The following PHLDB1 variants were observed in gnomAD, a reference collection of about 807,000 sequenced individuals.
PHLDB1 encodes pleckstrin homology like domain family B member 1.
PHLDB1 carries 65 observed loss-of-function variants against 139.3 expected under a neutral mutation model. The observed-to-expected ratio is 0.47, with a 90% CI of 0.38 to 0.57. The LOEUF (loss-of-function observed/expected upper bound fraction) is 0.57, where lower values mean the gene tolerates loss of function less well. PHLDB1 is among the 20% of genes least tolerant of loss of function. The probability of loss-of-function intolerance (pLI) is 0.00; values close to 1 mark genes in which losing one functional copy is unlikely to be tolerated. For synonymous variants in PHLDB1, 679 were observed against 734.5 expected, an observed-to-expected ratio of 0.92 and a Z score of 1.22; for missense variants, 1,624 against 1,839.7, an observed-to-expected ratio of 0.88 and a Z score of 2.14.
chr11:118,613,558 G>C, intron 1 of PHLDB1: 1 of 760,924 alleles, frequency 1.3e-6, no homozygotes, highest in Non-Finnish European at 1.8e-6. Flanking sequence ...GTATAGATTG[G>C]GCCCTATGGG....
chr11:118,618,134 C>T (rs1278478262), intron 4 of PHLDB1, among the ~76,000 whole-genome samples: 1 of 152,156 alleles, frequency 6.6e-6, no homozygotes, highest in African/African-American at 2.4e-5. Flanking sequence ...GACTCTTCTC[C>T]AGCCAGAGGC....
chr11:118,635,639 T>G, intron 10 of PHLDB1, 91 bp downstream of exon 10: 1 of 1,163,218 alleles, frequency 8.6e-7, no homozygotes, highest in Non-Finnish European at 1.2e-6. Context: ...AACTTCGTCT[T>G]TTGTGCCTGG....
Position 118,623,915 on chromosome 11 carries a change from T to TGAGA in PHLDB1, c.356-1018_356-1017insAGAG, listed in dbSNP as rs1478669182. Among the ~76,000 whole-genome samples the TGAGA allele has an allele frequency of 3.1e-5, 4 of 130,184 alleles. No individual in the cohort carries two copies. The East Asian group carries it at 7.6e-4, about 25-fold the overall frequency. 85.4% of individuals were successfully genotyped at this position (130,184 alleles called of 152,430 possible). On this transcript the variant is annotated intron_variant, in intron 4 of 22. Coordinates refer to ENST00000600882, the MANE Select transcript of PHLDB1 (RefSeq NM_001144758.3). ...GTGTGTGTGTGTGTGTGTGTGTGTG[T>TGAGA]GTGAGACGGAGTTTCGCTCTGTTGC...
intron 6 of PHLDB1, chr11:118,630,140 T>C: frequency 9.6e-7 from 1 of 1,037,452 alleles, no homozygotes; most frequent in African/African-American, 1.6e-5. Context: ...TTTGGGTTCA[T>C]GGCCAAACTG....
intron 20 of PHLDB1, chr11:118,652,074 C>T (rs782746478): frequency 2.0e-5 from 3 of 152,288 alleles, no homozygotes; most frequent in African/African-American, 4.8e-5. Flanking sequence ...CTCACCTAGC[C>T]ACACAGCTGG....
rs1944140856 is a variant in PHLDB1, at chr11:118,627,864, T to G, written c.1041T>G (p.Thr347=). The G allele has an allele frequency of 1.9e-6, 3 of 1,608,854 alleles. No individual in the cohort carries two copies. Among genetic ancestry groups the G allele is most frequent in the Non-Finnish European group, 2.5e-6 (3 of 1,179,908 alleles). ...TCTTGGCGGAGGCCCGGAGAGCCACTGAGAGCCCCCGGCTGGGTGGGCAGC... is the reference window on the plus strand; with the variant it reads ...TCTTGGCGGAGGCCCGGAGAGCCACGGAGAGCCCCCGGCTGGGTGGGCAGC... ...ATVLAEARRA[T]ESPRLGGQLP... The change falls in exon 6 of 23, where the codon ACT becomes ACG. Residue 347 remains threonine, a synonymous_variant. Transcript: ENST00000600882.
rs533490122 is a variant in PHLDB1 at position 118,649,647 on chromosome 11, G to A, written c.3655-430G>A. Among the ~76,000 whole-genome samples, 49 of 152,244 alleles carry A rather than the reference G, an allele frequency of 3.2e-4. No individual in the cohort carries two copies. The East Asian group carries it at 4.4e-3, about 14-fold the overall frequency. On this transcript the variant is annotated intron_variant, in intron 18 of 22. Transcript: ENST00000600882. ...AGTAATTATCTAGTTCAAAGCCGGC[G>A]TTTTACATGGAAGGAAACTGAGGCC...
At chr11:118,621,441 C>A (rs1942766795) in intron 4 of PHLDB1, 1 of 152,188 alleles carries the variant, frequency 6.6e-6, no homozygotes, top group Admixed American at 6.5e-5. Context: ...GCCGGCAGCT[C>A]GGGAGGTCGG....
At chr11:118,622,406 C>T (rs1943005206) in intron 4 of PHLDB1, among the ~76,000 whole-genome samples, 1 of 152,226 alleles carries the variant, frequency 6.6e-6, no homozygotes, top group Admixed American at 6.5e-5. Context: ...GTCCTGCTGC[C>T]CTCCTGCCCG....
chr11:118,649,485 G>A (rs1555133710), intron 18 of PHLDB1, among the ~76,000 whole-genome samples: 1 of 152,104 alleles, frequency 6.6e-6, no homozygotes, highest in Non-Finnish European at 1.5e-5. Flanking sequence ...TATCTGTGGG[G>A]TCGTGTGTTT....
At chr11:118,635,045 G>A in intron 9 of PHLDB1, 2 of 498,218 alleles carry the variant, frequency 4.0e-6, no homozygotes, top group South Asian at 3.2e-5. Context: ...AGGAGCAGCT[G>A]AGAAGGGTCA....
chr11:118,629,861 C>A (rs1434467753), intron 6 of PHLDB1: 6 of 404,250 alleles, frequency 1.5e-5, no homozygotes, highest in Non-Finnish European at 2.2e-5. Context: ...CCCATTCCCA[C>A]ACATAAGCAC....
At position 118,645,375 on chromosome 11, in the gene PHLDB1, G is replaced by T. The variant is rs1555126197; in HGVS notation, c.3141G>T (p.Glu1047Asp). ...CTTCAGGACAACAAGTGATTGAAGA[G>T]CAGCGGCGGCGACTGGCTGAGCTGA... ...LQQKGQQVIE[E>D]QRRRLAELKQ... is the part of the protein sequence containing the mutation. Residue 1047 changes from glutamate to aspartate, a missense_variant, in exon 16 of 23, where the codon GAG becomes GAT. Physicochemically the swap from Glu to Asp is conservative, Grantham distance 45. Transcript: ENST00000600882. The surrounding 1 kb of genome is among the most constrained non-coding windows in gnomAD (Gnocchi z 5.1). 6.6e-7 allele frequency: 1 copy of T among 1,519,938 alleles called. No individual in the cohort carries two copies. The highest frequency in any genetic ancestry group is 2.3e-5 in the East Asian group (1 of 43,856). 94.2% of individuals were successfully genotyped at this position (1,519,938 alleles called of 1,614,324 possible).
chr11:118,614,915 G>A, intron 3 of PHLDB1: 1 of 476,264 alleles, frequency 2.1e-6, no homozygotes, highest in East Asian at 3.9e-5. Context: ...AAGGAGGAGA[G>A]GCCAGGTGTG....
At chr11:118,614,798 T>C in intron 3 of PHLDB1, 116 bp downstream of exon 3, 1 of 1,009,356 alleles carries the variant, frequency 9.9e-7, no homozygotes, top group South Asian at 1.6e-5. Flanking sequence ...GGTGCTCGCC[T>C]CCCCACACCA....
In PHLDB1 at chr11:118,608,061, C is replaced by A. The variant is rs1398017362; in HGVS notation, c.-22+362C>A. On this transcript the variant is annotated intron_variant, in intron 1 of 22. Coordinates refer to ENST00000600882, the MANE Select transcript of PHLDB1 (RefSeq NM_001144758.3). The surrounding 1 kb of genome is among the most constrained non-coding windows in gnomAD (Gnocchi z 6.7). ...CACTCGCGGGGTATCGGGCGGCGAG[C>A]GCGCGCGCGGGTTTTCGTCCTCCAG... 6.6e-6 allele frequency among the ~76,000 whole-genome samples: 1 copy of A among 151,954 alleles called. No individual in the cohort carries two copies. Among genetic ancestry groups the A allele is most frequent in the East Asian group, 1.9e-4 (1 of 5,146 alleles).
intron 11 of PHLDB1, 37 bp from the exon 12 acceptor site, chr11:118,639,125 C>T (rs1555118050): frequency 1.3e-6 from 2 of 1,599,870 alleles, no homozygotes; most frequent in Admixed American, 1.7e-5. Flanking sequence ...TCTCCTGGCT[C>T]CCACTCCTCT....
In PHLDB1 at chr11:118,635,547, A is replaced by G. The variant is rs781788456; in HGVS notation, c.2534A>G (p.Lys845Arg). 2 of 1,539,858 alleles carry G rather than the reference A, an allele frequency of 1.3e-6. No homozygotes were observed. The highest frequency in any genetic ancestry group is 1.7e-6 in the Non-Finnish European group (2 of 1,144,226). Residue 845 changes from lysine (K) to arginine (R), a missense_variant and splice_region_variant, in exon 10 of 23, where the codon AAG (lysine) becomes AGG (arginine). By Grantham distance (26) the Lys-to-Arg change is conservative. Transcript: ENST00000600882. Reference protein sequence around the residue: ...AELLRSIAKRKERLAILDSQA... With the variant: ...AELLRSIAKRRERLAILDSQA... ...CTGCTCCGCAGCATCGCCAAGAGGA[A>G]GGTGTGCCCCACCTCGTTCCCTGCT...
At chr11:118,646,121 G>C (rs1947473056) in intron 17 of PHLDB1, among the ~76,000 whole-genome samples, 1 of 152,074 alleles carries the variant, frequency 6.6e-6, no homozygotes, top group Non-Finnish European at 1.5e-5. Flanking sequence ...TTAGCTGGGC[G>C]TGGTGGCAGG....
Sources: gnomAD v4.1 joint callset for allele counts (sites outside exome capture counted in the v4.1 genomes callset) on GRCh38, gnomAD v4.1.1 for gene constraint, Gnocchi (gnomAD v3.1) non-coding constraint, MANE v1.5 for transcripts, NCBI Gene and HGNC (gene_info 2026-07-23, HGNC 2026-07-21) for gene names.